The following MGRN1 variants were observed in gnomAD, a reference collection of about 807,000 sequenced individuals.
MGRN1 encodes E3 ubiquitin-protein ligase MGRN1.
Under a neutral mutation model 69.2 loss-of-function variants are expected in MGRN1, and 29 were observed. The ratio of observed to expected loss-of-function variants is 0.42; its 90% CI spans 0.31 to 0.57. The LOEUF is 0.57. MGRN1 is among the 20% of genes least tolerant of loss of function. The pLI, the probability that MGRN1 is intolerant of heterozygous loss-of-function variation, is 0.15. For synonymous variants in MGRN1, 470 were observed against 344.2 expected (o/e 1.37, Z -4.04); for missense variants, 998 against 796.2 (o/e 1.25, Z -3.05).
chr16:4,658,405 G>A (rs960234988), intron 5 of MGRN1, among the ~76,000 whole-genome samples: 2 of 151,676 alleles, frequency 1.3e-5, no homozygotes, highest in African/African-American at 2.4e-5. Flanking sequence ...GTGTGGTGGC[G>A]GGCGCCTGTA....
intron 11 of MGRN1, among the ~76,000 whole-genome samples, 196 bp downstream of exon 11, chr16:4,677,768 G>A (rs1054554928): frequency 1.3e-4 from 19 of 151,994 alleles, no homozygotes; most frequent in Admixed American, 6.6e-5. Flanking sequence ...TGGGAACAGC[G>A]CTGCTGCCAT....
At chr16:4,676,318 G>A (rs1433387588) in intron 10 of MGRN1, among the ~76,000 whole-genome samples, 2 of 152,254 alleles carry the variant, frequency 1.3e-5, no homozygotes, top group Admixed American at 1.3e-4. Context: ...GGCTGTCTAG[G>A]AAGGTTCTCT....
chr16:4,631,994 G>A (rs1596255184), intron 1 of MGRN1, among the ~76,000 whole-genome samples: 1 of 126,564 alleles, frequency 7.9e-6, no homozygotes, highest in African/African-American at 3.2e-5. Flanking sequence ...ATCTAGTAGT[G>A]ATAAAAAATT....
intron 11 of MGRN1, among the ~76,000 whole-genome samples, chr16:4,678,333 A>G (rs1353832258): frequency 1.3e-5 from 2 of 152,238 alleles, no homozygotes; most frequent in Non-Finnish European, 2.9e-5. Flanking sequence ...AGACAGAGAC[A>G]TGGAGAGAGA....
chr16:4,638,480 T>A (rs931763172), intron 1 of MGRN1, among the ~76,000 whole-genome samples: 61 of 148,830 alleles, frequency 4.1e-4, no homozygotes, highest in South Asian at 1.7e-3. Flanking sequence ...AAAAAATAAA[T>A]AAATATCTCA....
At chr16:4,643,375 C>T (rs2078204373) in intron 1 of MGRN1, among the ~76,000 whole-genome samples, 1 of 150,124 alleles carries the variant, frequency 6.7e-6, no homozygotes, top group Non-Finnish European at 1.5e-5. Context: ...GGATTACAGG[C>T]GTGAGCTACT....
intron 1 of MGRN1, among the ~76,000 whole-genome samples, chr16:4,632,086 C>T (rs984198931): frequency 3.0e-5 from 4 of 133,278 alleles, no homozygotes; most frequent in African/African-American, 1.2e-4. Context: ...GCAATCTTGA[C>T]TCACTCCAAC....
chr16:4,679,764 G>GC (rs1407460468), intron 11 of MGRN1, among the ~76,000 whole-genome samples: 2 of 152,226 alleles, frequency 1.3e-5, no homozygotes, highest in Admixed American at 1.3e-4. Context: ...GACCCAGACT[G>GC]CGGGGGGACA....
chr16:4,666,247 G>C (rs534781069), intron 7 of MGRN1, among the ~76,000 whole-genome samples: 1 of 152,182 alleles, frequency 6.6e-6, no homozygotes, highest in East Asian at 1.9e-4. Flanking sequence ...TCCCACTTCA[G>C]CCTCCCGAGT....
In MGRN1 at chr16:4,652,840, G is replaced by T; in HGVS notation, c.443+16G>T. The T allele has an allele frequency of 6.3e-7, 1 of 1,581,214 alleles. No individual in the cohort carries two copies. The highest frequency in any genetic ancestry group is 8.6e-7 in the Non-Finnish European group (1 of 1,161,014). ...GCAGGGCAGTGTGAGTCCCGCGGGCGGCTGGCACCGGCCTGGCTGGGGGCC... is the reference window on the plus strand; with the variant it reads ...GCAGGGCAGTGTGAGTCCCGCGGGCTGCTGGCACCGGCCTGGCTGGGGGCC... On this transcript the variant is annotated intron_variant, in intron 4 of 16. Transcript: ENST00000262370.
At chr16:4,671,176 G>GA (rs1220032786) in intron 8 of MGRN1, 1 of 586,338 alleles carries the variant, frequency 1.7e-6, no homozygotes, top group East Asian at 2.9e-5. Flanking sequence ...GTAGTGGGGA[G>GA]AGCCACCGGC....
At position 4,625,268 on chromosome 16, in the gene MGRN1, C is replaced by G. The variant is rs1897614236; in HGVS notation, c.88+220C>G. Reference sequence around the variant, plus strand: ...CGTACCTGGCGCTGCTACTGCCCGGCTTGGGTGACCTTGGGGCAGTCCCTT... The same window carrying G: ...CGTACCTGGCGCTGCTACTGCCCGGGTTGGGTGACCTTGGGGCAGTCCCTT... On this transcript the variant is annotated intron_variant, in intron 1 of 16. Coordinates refer to ENST00000262370, the MANE Select transcript of MGRN1 (RefSeq NM_015246.4). 2.0e-5 allele frequency among the ~76,000 whole-genome samples: 3 copies of G among 152,194 alleles called. No homozygotes were observed. In the South Asian group the frequency reaches 6.2e-4, roughly 31 times the overall value.
chr16:4,688,444 C>T (rs2079383633), intron 16 of MGRN1: 3 of 1,079,872 alleles, frequency 2.8e-6, no homozygotes, highest in South Asian at 4.1e-5. Context: ...AGAACCTTGG[C>T]AGGACAGTGG....
At position 4,671,296 on chromosome 16, in the gene MGRN1, C is replaced by T. The variant is rs766446988; in HGVS notation, c.727-95C>T. 6 of 1,215,106 alleles carry T rather than the reference C, an allele frequency of 4.9e-6. No individual in the cohort carries two copies. In the South Asian group the frequency reaches 7.3e-5, roughly 15 times the overall value. The allele number at this position is 1,215,106 out of a possible 1,614,324, so 75.3% of individuals were successfully genotyped here. On this transcript the variant is annotated intron_variant, in intron 8 of 16. Transcript: ENST00000262370. ...CTGGACTGACCCCTGGTATGGAAGC[C>T]TGGTAAGTTGGAGGCAGGGCTAGGC...
rs1032545853 is a variant in MGRN1 at position 4,687,048 on chromosome 16, G to A, written c.1619-1748G>A. On this transcript the variant is annotated intron_variant, in intron 16 of 16. Coordinates refer to ENST00000262370, the MANE Select transcript of MGRN1 (RefSeq NM_015246.4). ...TCCTTCCCTTGTCAGCATGGCCACC[G>A]TGGGCCTGGCATCACCATGGGCCTG... 7.1e-6 allele frequency: 7 copies of A among 985,588 alleles called. No homozygotes were observed. The African/African-American group carries it at 1.2e-4, about 17-fold the overall frequency. 61.1% of individuals were successfully genotyped at this position (985,588 alleles called of 1,614,324 possible).
chr16:4,665,864 C>T (rs897678113), intron 7 of MGRN1, among the ~76,000 whole-genome samples: 1 of 151,606 alleles, frequency 6.6e-6, no homozygotes, highest in Non-Finnish European at 1.5e-5. Flanking sequence ...GAGTCTCGCT[C>T]TTTTGCCCAG....
At chr16:4,687,224 C>T (rs2079345201) in intron 16 of MGRN1, 4 of 985,430 alleles carry the variant, frequency 4.1e-6, no homozygotes, top group Non-Finnish European at 4.8e-6. Context: ...CAAGAGGCGC[C>T]CTCTACCAGG....
chr16:4,638,479 A>G (rs566575140), intron 1 of MGRN1, among the ~76,000 whole-genome samples: 12 of 151,692 alleles, frequency 7.9e-5, no homozygotes, highest in African/African-American at 2.4e-4. Context: ...AAAAAAATAA[A>G]TAAATATCTC....
At chr16:4,684,074 C>T (rs1229553528) in intron 16 of MGRN1, 142 bp downstream of exon 16, 1 of 760,124 alleles carries the variant, frequency 1.3e-6, no homozygotes, top group Non-Finnish European at 2.1e-6. Flanking sequence ...AGCCATGCCC[C>T]TGCTATTGAC....
Sources: allele counts gnomAD v4.1 joint callset (sites outside exome capture counted in the v4.1 genomes callset), GRCh38; gene constraint gnomAD v4.1.1; transcripts MANE v1.5; gene names NCBI Gene and HGNC (gene_info 2026-07-23, HGNC 2026-07-21).